The following HNRNPH1 variants were observed in gnomAD, a reference collection of about 807,000 sequenced individuals.
HNRNPH1 encodes the protein heterogeneous nuclear ribonucleoprotein H.
Under a neutral mutation model 58.6 loss-of-function variants are expected in HNRNPH1, and 4 were observed. That is an observed-to-expected ratio of 0.07 (90% CI 0.03 to 0.16). The LOEUF is 0.16. Among genes scored for constraint, HNRNPH1 ranks in the 10% least tolerant of loss-of-function variants. The pLI, the probability that HNRNPH1 is intolerant of heterozygous loss-of-function variation, is 1.00. For missense variants in HNRNPH1, 271 were observed against 564.2 expected, an observed-to-expected ratio of 0.48 and a Z score of 5.26; for synonymous variants, 192 against 189.2, an observed-to-expected ratio of 1.01 and a Z score of -0.12.
intron 1 of HNRNPH1, chr5:179,621,885 G>T: frequency 2.2e-6 from 1 of 454,584 alleles, no homozygotes; most frequent in Non-Finnish European, 4.4e-6. Flanking sequence ...GCTCCAAGTT[G>T]CACAGCTGAA....
chr5:179,631,473 C>T (rs1179738709), intron 2 of HNRNPH1, among the ~76,000 whole-genome samples: 2 of 151,442 alleles, frequency 1.3e-5, no homozygotes, highest in Non-Finnish European at 2.9e-5. Flanking sequence ...ATGCTGGGCG[C>T]GGTGGCTCAC....
exon 1 of HNRNPH1, chr5:179,623,500 C>T (rs1773805532): frequency 5.6e-6 from 1 of 178,258 alleles, no homozygotes; most frequent in African/African-American, 2.4e-5. Flanking sequence ...CAGCGAACCA[C>T]TCGCGGCTCT....
chr5:179,619,520 G>T, intron 3 of HNRNPH1, 113 bp from the exon 5 acceptor site: 1 of 856,220 alleles, frequency 1.2e-6, no homozygotes, highest in Non-Finnish European at 1.8e-6. Context: ...TTAGGTGAAT[G>T]GTATGCTTTC....
upstream of HNRNPH1, among the ~76,000 whole-genome samples, chr5:179,627,507 CT>C (rs879797533): frequency 0.028 from 2,944 of 106,120 alleles, 96 homozygotes; most frequent in African/African-American, 0.082. Flanking sequence ...TGATTTATGC[CT>C]TTTTTTTTTT....
At chr5:179,619,209 T>C (rs1415815601) in intron 4 of HNRNPH1, 60 bp downstream of exon 5, 3 of 1,391,156 alleles carry the variant, frequency 2.2e-6, no homozygotes, top group Non-Finnish European at 3.0e-6. Context: ...GCAGAGAGAA[T>C]ATGGATTTAA....
chr5:179,625,958 T>TATTTA (rs2127731002), upstream of HNRNPH1, among the ~76,000 whole-genome samples: 1 of 151,384 alleles, frequency 6.6e-6, no homozygotes, highest in South Asian at 2.1e-4. Context: ...TTTATTTATT[T>TATTTA]ATTTATTTTT....
At chr5:179,630,650 G>A (rs1471664237) in intron 2 of HNRNPH1, among the ~76,000 whole-genome samples, 1 of 152,032 alleles carries the variant, frequency 6.6e-6, no homozygotes, top group African/African-American at 2.4e-5. Flanking sequence ...GGGGGCTCAC[G>A]CCTGTAATCC....
chr5:179,628,974 G>A (rs1038122733), upstream of HNRNPH1, among the ~76,000 whole-genome samples: 1 of 149,396 alleles, frequency 6.7e-6, no homozygotes, highest in Non-Finnish European at 1.5e-5. Flanking sequence ...GAGCGAGACT[G>A]TGCCTCAAAG....
upstream of HNRNPH1, chr5:179,624,749 G>A (rs2127726530): frequency 2.5e-6 from 1 of 396,670 alleles, no homozygotes. Context: ...AGCTTTAGTG[G>A]ACACAGACAA....
chr5:179,630,591 C>G (rs1386286615), intron 2 of HNRNPH1, among the ~76,000 whole-genome samples: 1 of 152,076 alleles, frequency 6.6e-6, no homozygotes, highest in African/African-American at 2.4e-5. Context: ...GGTACACCCT[C>G]TCGCTCAGGG....
chr5:179,618,067 G>A lies in HNRNPH1; in HGVS notation c.716-7C>T, dbSNP rs371144759. On this transcript the variant is annotated splice_polypyrimidine_tract_variant and splice_region_variant and intron_variant, in intron 5 of 12. Transcript: ENST00000356731. ...TCATCATAGCCTCCATAGCCTGAAA[G>A]ACAAAGTACAATCAATCAAATAAAA... is the stretch of plus-strand genomic sequence containing the variant. 4.0e-5 allele frequency: 64 copies of A among 1,613,958 alleles called. No homozygotes were observed. The South Asian group carries it at 4.6e-4, about 12-fold the overall frequency.
In HNRNPH1 at chr5:179,618,057, T is replaced by C. The variant is rs1398918076; in HGVS notation, c.719A>G (p.Tyr240Cys). ...GCCATTGTAATCATCATAGCCTCCA[T>C]AGCCTGAAAGACAAAGTACAATCAA... Residue 240 changes from tyrosine to cysteine, a missense_variant, in exon 6 of 13, where the codon TAT becomes TGT. Transcript: ENST00000356731. The C allele has an allele frequency of 3.7e-6, 6 of 1,613,968 alleles. No homozygotes were observed. Among genetic ancestry groups the C allele is most frequent in the African/African-American group, 2.7e-5 (2 of 74,920 alleles).
intron 2 of HNRNPH1, among the ~76,000 whole-genome samples, chr5:179,632,058 G>C (rs982001991): frequency 6.6e-6 from 1 of 151,124 alleles, no homozygotes; most frequent in African/African-American, 2.4e-5. Context: ...TGTAATCCCA[G>C]CACTTTGGGA....
At chr5:179,614,990 G>A (rs1265405254) in intron 12 of HNRNPH1, 31 bp from the exon 14 acceptor site, 1 of 1,247,088 alleles carries the variant, frequency 8.0e-7, no homozygotes, top group East Asian at 2.5e-5. Context: ...CAAGTTAGGA[G>A]TAATATCAGA....
At chr5:179,614,628 G>GT (rs987592144) in exon 13 of HNRNPH1, 3 of 408,264 alleles carry the variant, frequency 7.3e-6, no homozygotes, top group African/African-American at 6.0e-5. Flanking sequence ...AAGTTTAACA[G>GT]TTATAGTTTA....
At chr5:179,617,710 A>G (rs1770469304) in intron 7 of HNRNPH1, 61 bp from the exon 9 acceptor site, 2 of 1,603,386 alleles carry the variant, frequency 1.2e-6, no homozygotes, top group East Asian at 4.5e-5. Context: ...AAAAAACCTA[A>G]AATTTCTAAC....
chr5:179,630,846 G>C (rs1457401819), intron 2 of HNRNPH1, among the ~76,000 whole-genome samples: 1 of 150,814 alleles, frequency 6.6e-6, no homozygotes, highest in Admixed American at 6.6e-5. Flanking sequence ...GGGAGGCAGA[G>C]CTTGCAGTGA....
exon 1 of HNRNPH1, chr5:179,623,767 G>T (rs1431755682): frequency 6.6e-6 from 1 of 152,474 alleles, no homozygotes; most frequent in African/African-American, 2.4e-5. Context: ...GTCACAAAGA[G>T]CTCTGGCGCA....
chr5:179,632,749 A>ATTT (rs1363605164), intron 2 of HNRNPH1, among the ~76,000 whole-genome samples: 2 of 84,296 alleles, frequency 2.4e-5, no homozygotes, highest in Non-Finnish European at 4.6e-5. Flanking sequence ...GCCAAATCAA[A>ATTT]TATCTTTTTT....
Sources: allele counts gnomAD v4.1 joint callset (sites outside exome capture counted in the v4.1 genomes callset), GRCh38; gene constraint gnomAD v4.1.1; transcripts MANE v1.5; gene names NCBI Gene and HGNC (gene_info 2026-07-23, HGNC 2026-07-21).